ARMC9: variants seen among roughly 807,000 people sequenced by gnomAD.
ARMC9 encodes armadillo repeat containing 9, also known as lisH domain-containing protein ARMC9.
ARMC9 carries 94 observed loss-of-function variants against 107.0 expected under a neutral mutation model. That is an observed-to-expected ratio of 0.88 (90% CI 0.74 to 1.04). ARMC9 has a LOEUF of 1.04. Ranked by LOEUF, ARMC9 falls within the 50% of genes least tolerant of loss-of-function variation. The pLI, the probability that ARMC9 is intolerant of heterozygous loss-of-function variation, is 0.00. For missense variants in ARMC9, 942 were observed against 1,030.1 expected (o/e 0.91, Z 1.17); for synonymous variants, 380 against 396.9 (o/e 0.96, Z 0.51).
At chr2:231,357,294 C>T (rs1295195794) in intron 22 of ARMC9, among the ~76,000 whole-genome samples, 2 of 152,190 alleles carry the variant, frequency 1.3e-5, no homozygotes, top group African/African-American at 4.8e-5. Flanking sequence ...TGCCCACCAG[C>T]CCCCAGATGG....
chr2:231,216,627 CCTT>C lies in ARMC9; in HGVS notation c.349-5_349-3del, dbSNP rs1483679806. The C allele has an allele frequency of 3.7e-6, 6 of 1,611,518 alleles. No homozygotes were observed. The highest frequency in any genetic ancestry group is 1.3e-5 in the African/African-American group (1 of 74,742). On this transcript the variant is annotated splice_polypyrimidine_tract_variant and splice_region_variant and intron_variant, in intron 4 of 24. Transcript: ENST00000611582. ...CTGGAGACCTCAAACAAGTGTTTTCCCTTCTTCTAGGACAAAGAGGAGCTGGAT... is the reference window on the plus strand; with the variant it reads ...CTGGAGACCTCAAACAAGTGTTTTCCCTTCTAGGACAAAGAGGAGCTGGAT...
chr2:231,240,373 C>T (rs1447082069), intron 9 of ARMC9, among the ~76,000 whole-genome samples: 7 of 152,132 alleles, frequency 4.6e-5, no homozygotes, highest in Non-Finnish European at 8.8e-5. Context: ...ATTGTGTGGT[C>T]TAAAGCAGGG....
At chr2:231,316,078 A>G (rs1001189513) in intron 19 of ARMC9, among the ~76,000 whole-genome samples, 8 of 152,134 alleles carry the variant, frequency 5.3e-5, no homozygotes, top group Middle Eastern at 3.4e-3. Context: ...TCTTGTTGCC[A>G]TATTTGCTAC....
chr2:231,327,793 G>T (rs1216214403), intron 19 of ARMC9, among the ~76,000 whole-genome samples: 2 of 151,754 alleles, frequency 1.3e-5, no homozygotes, highest in Non-Finnish European at 2.9e-5. Flanking sequence ...TTGTTTTTTT[G>T]GTTTTTTTTG....
In ARMC9 at chr2:231,208,112, A is replaced by T; in HGVS notation, c.52-15A>T. 1.8e-6 allele frequency: 2 copies of T among 1,137,626 alleles called. No individual in the cohort carries two copies. Among genetic ancestry groups the T allele is most frequent in the Non-Finnish European group, 2.6e-6 (2 of 779,688 alleles). 70.5% of individuals were successfully genotyped at this position (1,137,626 alleles called of 1,614,324 possible). A position where few individuals can be genotyped will look rare whatever the true frequency, so the allele number is the denominator to read the frequency against. ...GTTTGTTTTGCTGTTGAATTGAATT[A>T]TTTATTTTTTATAGTATTTAGATTT... On this transcript the variant is annotated splice_polypyrimidine_tract_variant and intron_variant, in intron 2 of 24. Coordinates refer to ENST00000611582, the MANE Select transcript of ARMC9 (RefSeq NM_001352754.2).
At chr2:231,356,415 T>G (rs577847041) in intron 22 of ARMC9, among the ~76,000 whole-genome samples, 1 of 152,326 alleles carries the variant, frequency 6.6e-6, no homozygotes, top group East Asian at 1.9e-4. Context: ...GATAAAAGTA[T>G]TTTTTAGATG....
chr2:231,223,714 A>G (rs368012906), intron 6 of ARMC9, among the ~76,000 whole-genome samples: 1 of 152,160 alleles, frequency 6.6e-6, no homozygotes, highest in African/African-American at 2.4e-5. Flanking sequence ...CCACATTTCT[A>G]CTTGAGCTTC....
intron 1 of ARMC9, among the ~76,000 whole-genome samples, chr2:231,203,169 C>A (rs776632519): frequency 9.9e-5 from 15 of 152,174 alleles, no homozygotes; most frequent in Admixed American, 2.6e-4. Context: ...TTGGTTCTTA[C>A]AATACCCACT....
intron 1 of ARMC9, among the ~76,000 whole-genome samples, chr2:231,205,008 A>T (rs549847938): frequency 5.3e-5 from 8 of 152,004 alleles, no homozygotes; most frequent in Non-Finnish European, 1.0e-4. Context: ...AAAGTGTAGA[A>T]ATTGGATTGA....
chr2:231,341,998 A>G lies in ARMC9; in HGVS notation c.1879-2977A>G, dbSNP rs574988707. Reference sequence around the variant, plus strand: ...CTCCTCTCTCCCCAGACCCCAAAGCATTTCTGCAGAACTCAGTATAAACAG... The same window carrying G: ...CTCCTCTCTCCCCAGACCCCAAAGCGTTTCTGCAGAACTCAGTATAAACAG... On this transcript the variant is annotated intron_variant, in intron 20 of 24. Coordinates refer to ENST00000611582, the MANE Select transcript of ARMC9 (RefSeq NM_001352754.2). 2.6e-5 allele frequency among the ~76,000 whole-genome samples: 4 copies of G among 152,262 alleles called. No homozygotes were observed. The East Asian group carries it at 7.7e-4, about 29-fold the overall frequency.
At chr2:231,207,739 G>A (rs2032236043) in intron 2 of ARMC9, among the ~76,000 whole-genome samples, 1 of 152,240 alleles carries the variant, frequency 6.6e-6, no homozygotes, top group African/African-American at 2.4e-5. Context: ...CTCCCAAAGT[G>A]CTGGGATTAC....
intron 23 of ARMC9, among the ~76,000 whole-genome samples, chr2:231,361,663 C>T (rs115801113): frequency 1.3e-5 from 2 of 152,086 alleles, no homozygotes; most frequent in South Asian, 2.1e-4. Context: ...GGGGCCTGGC[C>T]TGGGTCTCAG....
intron 11 of ARMC9, among the ~76,000 whole-genome samples, chr2:231,259,623 C>T (rs991607971): frequency 2.6e-5 from 4 of 152,166 alleles, no homozygotes; most frequent in African/African-American, 7.2e-5. Context: ...CCACTCTCAA[C>T]AATGACTGAG....
In ARMC9 at chr2:231,372,752, G is replaced by A. The variant is rs1444271119; in HGVS notation, c.*1217G>A. 4.7e-5 allele frequency: 4 copies of A among 85,898 alleles called. No homozygotes were observed. Among genetic ancestry groups the A allele is most frequent in the Non-Finnish European group, 8.2e-5 (4 of 48,528 alleles). The allele number at this position is 85,898 out of a possible 1,614,324, so 5.3% of individuals were successfully genotyped here. On this transcript the variant is annotated 3_prime_UTR_variant, in exon 25 of 25. Coordinates refer to ENST00000611582, the MANE Select transcript of ARMC9 (RefSeq NM_001352754.2). ...TGTGTGTGTGTGTGTGTGTGTGTGT[G>A]TGTATGAGTGTATGAAGGGAAATGG...
At chr2:231,294,355 G>A (rs2041217325) in intron 18 of ARMC9, 1 of 152,462 alleles carries the variant, frequency 6.6e-6, no homozygotes, top group African/African-American at 2.4e-5. Context: ...GAGACAACAG[G>A]GGCACCAGCC....
chr2:231,340,027 A>C (rs895732933), intron 20 of ARMC9, among the ~76,000 whole-genome samples: 1 of 151,758 alleles, frequency 6.6e-6, no homozygotes, highest in African/African-American at 2.4e-5. Flanking sequence ...AATTGATGTA[A>C]AACAGATACA....
At chr2:231,269,030 A>G (rs778662144) in intron 12 of ARMC9, among the ~76,000 whole-genome samples, 2 of 152,196 alleles carry the variant, frequency 1.3e-5, no homozygotes, top group Non-Finnish European at 2.9e-5. Flanking sequence ...ACACCACTGC[A>G]CTTCATCCTG....
intron 21 of ARMC9, 65 bp from the exon 22 acceptor site, chr2:231,355,726 TGCAGTCG>T (rs146923052): frequency 0.058 from 84,433 of 1,455,280 alleles, 6,667 homozygotes; most frequent in African/African-American, 0.38. Flanking sequence ...TTTGTGATGC[TGCAGTCG>T]GCAGTCGGCA....
intron 23 of ARMC9, among the ~76,000 whole-genome samples, chr2:231,369,598 CTTTT>C (rs71982424): frequency 7.8e-6 from 1 of 128,244 alleles, no homozygotes. Context: ...CAGCCAGTTT[CTTTT>C]TTTTTTTTTT....
Sources: gnomAD v4.1 joint callset for allele counts (sites outside exome capture counted in the v4.1 genomes callset) on GRCh38, gnomAD v4.1.1 for gene constraint, MANE v1.5 for transcripts, NCBI Gene and HGNC (gene_info 2026-07-23, HGNC 2026-07-21) for gene names.